Variants in RPA1 observed in about 807,000 individuals in gnomAD.
The protein encoded by RPA1 is replication protein A1.
RPA1 carries 49 observed loss-of-function variants against 83.0 expected under a neutral mutation model. That is an observed-to-expected ratio of 0.59 (90% CI 0.47 to 0.75). The LOEUF (loss-of-function observed/expected upper bound fraction) is 0.75, where lower values mean the gene tolerates loss of function less well. Among genes scored for constraint, RPA1 ranks in the 30% least tolerant of loss-of-function variants. The probability of loss-of-function intolerance (pLI) is 0.00; values close to 1 mark genes in which losing one functional copy is unlikely to be tolerated. For missense variants in RPA1, 693 were observed against 776.1 expected (o/e 0.89, Z 1.27); for synonymous variants, 279 against 281.8 (o/e 0.99, Z 0.10).
intron 6 of RPA1, among the ~76,000 whole-genome samples, chr17:1,873,854 A>T (rs1425530448): frequency 6.6e-6 from 1 of 151,636 alleles, no homozygotes; most frequent in African/African-American, 2.4e-5. Flanking sequence ...TTAATCGGGC[A>T]TGGTGGTGTG....
chr17:1,830,011 C>CCAAT lies in RPA1; in HGVS notation c.-82_-79dup, dbSNP rs1338863168. 1 of 1,220,204 alleles carries CCAAT rather than the reference C, an allele frequency of 8.2e-7. No individual in the cohort carries two copies. The highest frequency in any genetic ancestry group is 1.0e-6 in the Non-Finnish European group (1 of 963,986). The allele number at this position is 1,220,204 out of a possible 1,614,324, so 75.6% of individuals were successfully genotyped here. ...GGAGCGGTGCGCGCAACTTCTCGGGCCAATAACTGCGCAGCGCGCGGGACC... is the reference window on the plus strand; with the variant it reads ...GGAGCGGTGCGCGCAACTTCTCGGGCCAATCAATAACTGCGCAGCGCGCGGGACC... On this transcript the variant is annotated 5_prime_UTR_variant, in exon 1 of 17. Transcript: ENST00000254719.
At position 1,893,214 on chromosome 17, in the gene RPA1, AT is replaced by A. The variant is rs200554754; in HGVS notation, c.1659+1278del. Among the ~76,000 whole-genome samples, 18 of 152,234 alleles carry A rather than the reference AT, an allele frequency of 1.2e-4. No individual in the cohort carries two copies. The East Asian group carries it at 1.5e-3, about 13-fold the overall frequency. On this transcript the variant is annotated intron_variant, in intron 15 of 16. Transcript: ENST00000254719. The stretch of plus-strand genomic sequence containing the variant: ...TTTGTCTGTTTTTACCTGGTCTTCA[AT>A]TTTCGTATCAGATTTTAAGGCCCGA...
chr17:1,858,186 G>T lies in RPA1; in HGVS notation c.361+4997G>T, dbSNP rs558064219. 115 of 1,614,048 alleles carry T rather than the reference G, an allele frequency of 7.1e-5. No individual in the cohort carries two copies. In the African/African-American group the frequency reaches 1.4e-3, roughly 20 times the overall value. On this transcript the variant is annotated intron_variant, in intron 5 of 16. Coordinates refer to ENST00000254719, the MANE Select transcript of RPA1 (RefSeq NM_002945.5). Reference sequence around the variant, plus strand: ...TCCAGGTATGATACATGAGAGGGAAGACGAGTGCAAACTTAGCTGTGTGGA... The same window carrying T: ...TCCAGGTATGATACATGAGAGGGAATACGAGTGCAAACTTAGCTGTGTGGA...
intron 1 of RPA1, 37 bp downstream of exon 1, chr17:1,830,163 G>T: frequency 8.1e-7 from 1 of 1,235,744 alleles, no homozygotes; most frequent in Non-Finnish European, 1.0e-6. Context: ...GCGGTCCGGG[G>T]TGGCTGCGGC....
At chr17:1,864,000 T>C (rs1483287127) in intron 5 of RPA1, among the ~76,000 whole-genome samples, 1 of 152,238 alleles carries the variant, frequency 6.6e-6, no homozygotes, top group African/African-American at 2.4e-5. Context: ...AACTGTGACA[T>C]TGAAAATATA....
intron 5 of RPA1, chr17:1,858,107 G>C (rs1315547765): frequency 5.0e-6 from 8 of 1,613,774 alleles, no homozygotes; most frequent in Non-Finnish European, 6.8e-6. Context: ...GACTGGTATA[G>C]CTGGGGAATC....
chr17:1,875,203 A>G (rs894573131), intron 6 of RPA1, among the ~76,000 whole-genome samples: 1 of 152,064 alleles, frequency 6.6e-6, no homozygotes, highest in Non-Finnish European at 1.5e-5. Flanking sequence ...TTGTCTGGGG[A>G]TTTGGAGGCG....
chr17:1,851,342 A>G (rs1231925954), intron 4 of RPA1, among the ~76,000 whole-genome samples: 1 of 152,074 alleles, frequency 6.6e-6, no homozygotes, highest in Non-Finnish European at 1.5e-5. Context: ...GTGACGGTAG[A>G]TTGATGGTCT....
chr17:1,834,840 A>G (rs1035858767), intron 1 of RPA1, among the ~76,000 whole-genome samples: 6 of 151,972 alleles, frequency 3.9e-5, no homozygotes, highest in Non-Finnish European at 7.4e-5. Context: ...GCCCTTGAGT[A>G]TTACATTTGT....
Position 1,830,053 on chromosome 17 carries a change from A to C in RPA1, c.-41A>C, listed in dbSNP as rs531906637. ...CGCGGGACCCGGGTGGGGAAGCTGGAGCTGTTGCGGGGTCCGCGGGGAAGT... is the reference window on the plus strand; with the variant it reads ...CGCGGGACCCGGGTGGGGAAGCTGGCGCTGTTGCGGGGTCCGCGGGGAAGT... On this transcript the variant is annotated 5_prime_UTR_variant, in exon 1 of 17. Transcript: ENST00000254719. 1 of 1,248,444 alleles carries C rather than the reference A, an allele frequency of 8.0e-7. No homozygotes were observed. The highest frequency in any genetic ancestry group is 4.1e-5 in the South Asian group (1 of 24,412). 77.3% of individuals were successfully genotyped at this position (1,248,444 alleles called of 1,614,324 possible).
rs1373207399 is a variant in RPA1, at chr17:1,899,647, A to G, written c.*2472A>G. 1 of 152,114 alleles carries G rather than the reference A, an allele frequency of 6.6e-6. No individual in the cohort carries two copies. Among genetic ancestry groups the G allele is most frequent in the Non-Finnish European group, 1.5e-5 (1 of 68,036 alleles). 9.4% of individuals were successfully genotyped at this position (152,114 alleles called of 1,614,324 possible). ...TGGGCTGTCTTCAAAAAGTATAAAT[A>G]CTATTGATCGTGGTATTTAATACAC... On this transcript the variant is annotated 3_prime_UTR_variant, in exon 17 of 17. Transcript: ENST00000254719.
intron 5 of RPA1, among the ~76,000 whole-genome samples, chr17:1,863,885 T>C (rs1913079179): frequency 6.6e-6 from 1 of 152,184 alleles, no homozygotes; most frequent in Non-Finnish European, 1.5e-5. Flanking sequence ...ATCATGAATA[T>C]TTGGAAAAAA....
At position 1,899,491 on chromosome 17, in the gene RPA1, A is replaced by G. The variant is rs1302561716; in HGVS notation, c.*2316A>G. The G allele has an allele frequency of 6.6e-6, 1 of 152,190 alleles. No individual in the cohort carries two copies. Among genetic ancestry groups the G allele is most frequent in the Admixed American group, 6.5e-5 (1 of 15,278 alleles). 9.4% of individuals were successfully genotyped at this position (152,190 alleles called of 1,614,324 possible). A position where few individuals can be genotyped will look rare whatever the true frequency, so the allele number is the denominator to read the frequency against. ...GGGCAGGGAAAAAAATAAAAGGGTA[A>G]TAATCTGATTTCTGTCCATATTTCC... On this transcript the variant is annotated 3_prime_UTR_variant, in exon 17 of 17. Transcript: ENST00000254719.
chr17:1,897,407 G>A lies in RPA1; in HGVS notation c.*232G>A. ...GGCCTACGGAGTCAGCCAGTGGCTA[G>A]CGCAAGACCAGTCACTCCCTCTGCC... On this transcript the variant is annotated 3_prime_UTR_variant, in exon 17 of 17. Coordinates refer to ENST00000254719, the MANE Select transcript of RPA1 (RefSeq NM_002945.5). 1 of 454,760 alleles carries A rather than the reference G, an allele frequency of 2.2e-6. No individual in the cohort carries two copies. Among genetic ancestry groups the A allele is most frequent in the South Asian group, 3.3e-5 (1 of 30,458 alleles). The allele number at this position is 454,760 out of a possible 1,614,324, so 28.2% of individuals were successfully genotyped here. A position where few individuals can be genotyped will look rare whatever the true frequency, so the allele number is the denominator to read the frequency against.
At chr17:1,868,166 C>A (rs1913250852) in intron 5 of RPA1, among the ~76,000 whole-genome samples, 1 of 152,160 alleles carries the variant, frequency 6.6e-6, no homozygotes, top group African/African-American at 2.4e-5. Flanking sequence ...TGGGCCTTTC[C>A]TTTCTCCAGT....
At chr17:1,861,362 G>A (rs1324881169) in intron 5 of RPA1, among the ~76,000 whole-genome samples, 2 of 152,156 alleles carry the variant, frequency 1.3e-5, no homozygotes, top group Admixed American at 6.5e-5. Context: ...CACAGCAGGC[G>A]CTACCCCTCA....
At chr17:1,859,552 AT>A (rs1264793027) in intron 5 of RPA1, among the ~76,000 whole-genome samples, 1 of 152,150 alleles carries the variant, frequency 6.6e-6, no homozygotes, top group African/African-American at 2.4e-5. Flanking sequence ...TTATGAAATG[AT>A]TTTATCCCTG....
In RPA1 at chr17:1,853,108, G is replaced by A. The variant is rs553472326; in HGVS notation, c.280G>A (p.Val94Ile). The change falls in exon 5 of 17, where the codon GTT becomes ATT. Residue 94 changes from valine to isoleucine, a missense_variant. Transcript: ENST00000254719. ...VNTLKDGRRV[V>I]ILMELEVLKS... is the part of the protein sequence containing the mutation. ...GTTTGTCTGCTTTTGCAGGAGAGTA[G>A]TTATCTTGATGGAATTAGAAGTTTT... The A allele has an allele frequency of 6.2e-7, 1 of 1,614,084 alleles. No homozygotes were observed. Among genetic ancestry groups the A allele is most frequent in the South Asian group, 1.1e-5 (1 of 91,082 alleles).
At chr17:1,888,331 G>A (rs1407489650) in intron 13 of RPA1, among the ~76,000 whole-genome samples, 4 of 152,148 alleles carry the variant, frequency 2.6e-5, no homozygotes, top group Non-Finnish European at 5.9e-5. Context: ...TCAGAGGATC[G>A]GGAGGAACAA....
Sources: allele counts gnomAD v4.1 joint callset (sites outside exome capture counted in the v4.1 genomes callset), GRCh38; gene constraint gnomAD v4.1.1; transcripts MANE v1.5; gene names NCBI Gene and HGNC (gene_info 2026-07-23, HGNC 2026-07-21).